ARG2: variants seen among roughly 807,000 people sequenced by gnomAD.
ARG2 encodes arginase-2, mitochondrial.
Under a neutral mutation model 39.4 loss-of-function variants are expected in ARG2, and 21 were observed. That is an observed-to-expected ratio of 0.53 (90% CI 0.38 to 0.77). ARG2 has a LOEUF of 0.77. ARG2 is among the 30% of genes least tolerant of loss of function. The pLI is 0.00. For missense variants in ARG2, 378 were observed against 426.2 expected, an observed-to-expected ratio of 0.89 and a Z score of 1.00; for synonymous variants, 150 against 156.7, an observed-to-expected ratio of 0.96 and a Z score of 0.32.
intron 4 of ARG2, 69 bp from the exon 5 acceptor site, chr14:67,646,575 C>A: frequency 7.9e-7 from 1 of 1,273,752 alleles, no homozygotes; most frequent in Non-Finnish European, 1.1e-6. Context: ...TACCCACGGA[C>A]GCACATGATA....
At chr14:67,645,877 T>C in intron 4 of ARG2, 75 bp downstream of exon 4, 2 of 1,544,470 alleles carry the variant, frequency 1.3e-6, no homozygotes, top group South Asian at 1.2e-5. Context: ...TCAGTTAAGA[T>C]TTTGGTGAAG....
At chr14:67,631,365 A>G (rs749855346) in intron 2 of ARG2, among the ~76,000 whole-genome samples, 2 of 151,316 alleles carry the variant, frequency 1.3e-5, no homozygotes, top group African/African-American at 2.4e-5. Context: ...ATCTTTCTTT[A>G]TTGAAACCAA....
At chr14:67,620,192 G>GGA (rs2036793701) in intron 1 of ARG2, 104 bp downstream of exon 1, 3 of 788,970 alleles carry the variant, frequency 3.8e-6, no homozygotes, top group Non-Finnish European at 5.9e-6. Context: ...GAGAGGATGG[G>GGA]GAGAAATGGC....
chr14:67,629,930 C>T (rs1320345178), intron 2 of ARG2, among the ~76,000 whole-genome samples: 1 of 152,098 alleles, frequency 6.6e-6, no homozygotes, highest in East Asian at 1.9e-4. Flanking sequence ...ATTTGTAAGA[C>T]AAAAATATAA....
At position 67,651,664 on chromosome 14, in the gene ARG2, T is replaced by G; in HGVS notation, c.*744T>G. The G allele has an allele frequency of 2.0e-6, 1 of 488,464 alleles. No individual in the cohort carries two copies. Among genetic ancestry groups the G allele is most frequent in the East Asian group, 3.8e-5 (1 of 26,458 alleles). 30.3% of individuals were successfully genotyped at this position (488,464 alleles called of 1,614,324 possible). A position where few individuals can be genotyped will look rare whatever the true frequency, so the allele number is the denominator to read the frequency against. ...TCACTTAGGGATAACACTGTCTACC[T>G]CACAGAAATGTTAAACTGAGACAAT... On this transcript the variant is annotated 3_prime_UTR_variant, in exon 8 of 8. Coordinates refer to ENST00000261783, the MANE Select transcript of ARG2 (RefSeq NM_001172.4).
At position 67,645,649 on chromosome 14, in the gene ARG2, A is replaced by G; in HGVS notation, c.369A>G (p.Ala123=). 6.2e-7 allele frequency: 1 copy of G among 1,612,794 alleles called. No individual in the cohort carries two copies. Among genetic ancestry groups the G allele is most frequent in the Non-Finnish European group, 8.5e-7 (1 of 1,179,584 alleles). Residue 123 remains alanine (A), a synonymous_variant, in exon 4 of 8, where the codon GCA becomes GCG. Transcript: ENST00000261783. The stretch of plus-strand genomic sequence containing the variant: ...TTATACTTGTTCTTTGCAGCCTGGC[A>G]ATCGGTACCATTAGTGGCCATGCCC... ...CVTLGGDHSL[A]IGTISGHARH...
In ARG2 at chr14:67,650,751, C is replaced by T. The variant is rs764112987; in HGVS notation, c.896C>T (p.Pro299Leu). The T allele has an allele frequency of 3.7e-6, 6 of 1,614,084 alleles. No homozygotes were observed. The highest frequency in any genetic ancestry group is 4.2e-6 in the Non-Finnish European group (5 of 1,180,012). The change falls in exon 8 of 8, where the codon CCT (proline) becomes CTT (leucine). Residue 299 changes from proline (P) to leucine (L), a missense_variant. Physicochemically the swap from Pro to Leu is moderately conservative, Grantham distance 98. Coordinates refer to ENST00000261783, the MANE Select transcript of ARG2 (RefSeq NM_001172.4). ...GCACTGGATCTTGTTGAAGTCAATCCTCAGTTGGCCACCTCAGAGGAAGAG... is the reference window on the plus strand; with the variant it reads ...GCACTGGATCTTGTTGAAGTCAATCTTCAGTTGGCCACCTCAGAGGAAGAG... The part of the protein sequence containing the change: ...LSALDLVEVN[P>L]QLATSEEEAK...
chr14:67,647,491 T>C (rs1420519579), intron 6 of ARG2: 1 of 157,392 alleles, frequency 6.4e-6, no homozygotes, highest in Non-Finnish European at 1.4e-5. Flanking sequence ...TAGTATGTCA[T>C]TTCATAAGCT....
rs377757447 is a variant in ARG2 at position 67,642,317 on chromosome 14, G to C, written c.316G>C (p.Ala106Pro). The C allele has an allele frequency of 2.5e-6, 4 of 1,614,014 alleles. No individual in the cohort carries two copies. In the Admixed American group the frequency reaches 6.7e-5, roughly 27 times the overall value. ...GGAACTGGCTGAGGTGGTTAGCAGA[G>C]CTGTGTCAGATGGCTACAGCTGTGT... Reference protein sequence around the residue: ...NQELAEVVSRAVSDGYSCVTL... With the variant: ...NQELAEVVSRPVSDGYSCVTL... Residue 106 changes from alanine (A) to proline (P), a missense_variant, in exon 3 of 8, where the codon GCT (alanine) becomes CCT (proline). Transcript: ENST00000261783.
intron 7 of ARG2, chr14:67,648,844 T>A (rs1434916542): frequency 1.3e-5 from 2 of 152,166 alleles, no homozygotes; most frequent in Non-Finnish European, 2.9e-5. Flanking sequence ...ATTCCAAAAT[T>A]TAAAGAACTA....
chr14:67,633,179 G>T (rs893283900), intron 2 of ARG2, among the ~76,000 whole-genome samples: 1 of 151,988 alleles, frequency 6.6e-6, no homozygotes, highest in Admixed American at 6.6e-5. Flanking sequence ...CACTTTTTAG[G>T]TTTATTTTGT....
intron 2 of ARG2, among the ~76,000 whole-genome samples, chr14:67,622,242 C>G (rs975805477): frequency 6.6e-6 from 1 of 152,188 alleles, no homozygotes; most frequent in African/African-American, 2.4e-5. Context: ...TGAGGCAGCA[C>G]GGAGATTATG....
chr14:67,650,854 C>T lies in ARG2; in HGVS notation c.999C>T (p.Val333=). ...FGQTREGGHI[V]YDQLPTPSSP... ...AGACAAGAGAAGGAGGGCATATTGTCTATGACCAACTTCCTACTCCCAGTT... is the reference window on the plus strand; with the variant it reads ...AGACAAGAGAAGGAGGGCATATTGTTTATGACCAACTTCCTACTCCCAGTT... The change falls in exon 8 of 8, where the codon GTC becomes GTT. Residue 333 remains valine, a synonymous_variant. Transcript: ENST00000261783. The T allele has an allele frequency of 6.2e-7, 1 of 1,614,206 alleles. No individual in the cohort carries two copies. Among genetic ancestry groups the T allele is most frequent in the Non-Finnish European group, 8.5e-7 (1 of 1,180,020 alleles).
Position 67,645,631 on chromosome 14 carries a change from T to C in ARG2, c.363-12T>C. 6.2e-7 allele frequency: 1 copy of C among 1,611,374 alleles called. No homozygotes were observed. The highest frequency in any genetic ancestry group is 8.5e-7 in the Non-Finnish European group (1 of 1,178,850). On this transcript the variant is annotated splice_polypyrimidine_tract_variant and intron_variant, in intron 3 of 7. Transcript: ENST00000261783. ...AGCAGAGGGCCTTCAAGATTATACT[T>C]GTTCTTTGCAGCCTGGCAATCGGTA...
rs149730866 is a variant in ARG2, at chr14:67,638,951, T to C, written c.185-3235T>C. On this transcript the variant is annotated intron_variant, in intron 2 of 7. Transcript: ENST00000261783. ...ACTGAATAGCCAGAATGCTGTTTGG[T>C]GAGATGGCATCGGAGTAAATGGAGT... Among the ~76,000 whole-genome samples, 131 of 152,314 alleles carry C rather than the reference T, an allele frequency of 8.6e-4. 1 individual carries two copies. Among genetic ancestry groups the C allele is most frequent in the Non-Finnish European group, 1.3e-3 (86 of 68,022 alleles).
chr14:67,630,017 AG>A (rs2036903314), intron 2 of ARG2, among the ~76,000 whole-genome samples: 1 of 152,166 alleles, frequency 6.6e-6, no homozygotes, highest in Admixed American at 6.5e-5. Context: ...CCTCGTTCTC[AG>A]TGTCTTCCTT....
intron 2 of ARG2, among the ~76,000 whole-genome samples, chr14:67,641,205 ACC>A: frequency 6.6e-6 from 1 of 152,088 alleles, no homozygotes; most frequent in Non-Finnish European, 1.5e-5. Flanking sequence ...ATATAAAATT[ACC>A]TTCAGGCTAT....
intron 4 of ARG2, 84 bp from the exon 5 acceptor site, chr14:67,646,560 T>C (rs541421450): frequency 1.4e-4 from 159 of 1,104,060 alleles, no homozygotes; most frequent in African/African-American, 9.9e-4. Flanking sequence ...AGAAAGCAGA[T>C]TGCATACCCA....
rs149852076 is a variant in ARG2, at chr14:67,646,662, T to C, written c.541T>C (p.Phe181Leu). 24 of 1,612,412 alleles carry C rather than the reference T, an allele frequency of 1.5e-5. No homozygotes were observed. Among genetic ancestry groups the C allele is most frequent in the Non-Finnish European group, 1.8e-5 (21 of 1,178,604 alleles). Reference sequence around the variant, plus strand: ...TTCATAGGTACCACAACTCCCAGGATTTTCCTGGATCAAACCTTGTATCTC... The same window carrying C: ...TTCATAGGTACCACAACTCCCAGGACTTTCCTGGATCAAACCTTGTATCTC... ...LQDKVPQLPG[F>L]SWIKPCISSA... Residue 181 changes from phenylalanine (F) to leucine (L), a missense_variant, in exon 5 of 8, where the codon TTT becomes CTT. Coordinates refer to ENST00000261783, the MANE Select transcript of ARG2 (RefSeq NM_001172.4).
Sources: gnomAD v4.1 joint callset for allele counts (sites outside exome capture counted in the v4.1 genomes callset) on GRCh38, gnomAD v4.1.1 for gene constraint, MANE v1.5 for transcripts, NCBI Gene and HGNC (gene_info 2026-07-23, HGNC 2026-07-21) for gene names.